Variants in RPTOR observed in about 807,000 individuals in gnomAD.
The protein encoded by RPTOR is regulatory-associated protein of mTOR.
A neutral mutation model predicts 169.9 loss-of-function variants in RPTOR; 21 were observed. The observed-to-expected ratio is 0.12, with a 90% confidence interval of 0.09 to 0.18. The LOEUF is 0.18. Ranked by LOEUF, RPTOR falls within the 10% of genes least tolerant of loss-of-function variation. The probability of loss-of-function intolerance (pLI) is 1.00; values close to 1 mark genes in which losing one functional copy is unlikely to be tolerated. For synonymous variants in RPTOR, 732 were observed against 753.2 expected, an observed-to-expected ratio of 0.97 and a Z score of 0.46; for missense variants, 1,133 against 1,855.9, an observed-to-expected ratio of 0.61 and a Z score of 7.16.
At chr17:80,747,866 T>A (rs1195368537) in intron 5 of RPTOR, among the ~76,000 whole-genome samples, 1 of 152,246 alleles carries the variant, frequency 6.6e-6, no homozygotes, top group Non-Finnish European at 1.5e-5. Flanking sequence ...TGGGTTGGTA[T>A]GAAAAGTGTT....
At chr17:80,658,409 G>C (rs1455416412) in intron 3 of RPTOR, among the ~76,000 whole-genome samples, 1 of 152,066 alleles carries the variant, frequency 6.6e-6, no homozygotes, top group African/African-American at 2.4e-5. Flanking sequence ...TAAGTTTAAA[G>C]GTGTTTTTCC....
At chr17:80,555,805 C>G (rs1214739021) in intron 1 of RPTOR, among the ~76,000 whole-genome samples, 1 of 152,120 alleles carries the variant, frequency 6.6e-6, no homozygotes, top group African/African-American at 2.4e-5. Flanking sequence ...TCCCAGGATT[C>G]CAGCTGGGGA....
Position 80,708,116 on chromosome 17 carries a change from T to G in RPTOR, c.507+117T>G. The G allele has an allele frequency of 9.7e-7, 1 of 1,036,084 alleles. No homozygotes were observed. The highest frequency in any genetic ancestry group is 2.7e-5 in the Admixed American group (1 of 37,660). 64.2% of individuals were successfully genotyped at this position (1,036,084 alleles called of 1,614,324 possible). ...TTAAGCCATTGATGTTTACTGTGTT[T>G]CAACAAACCCAAATGCCATAACTGA... On this transcript the variant is annotated intron_variant, in intron 4 of 33. Transcript: ENST00000306801. This position sits in a 1 kb window ranked among gnomAD's most constrained non-coding sequence, Gnocchi z 4.2.
intron 9 of RPTOR, among the ~76,000 whole-genome samples, chr17:80,827,634 G>A (rs1032414006): frequency 6.6e-6 from 1 of 152,188 alleles, no homozygotes; most frequent in African/African-American, 2.4e-5. Context: ...CTGGGGCCAC[G>A]TTCAAGCCTG....
At chr17:80,648,215 G>A (rs936175025) in intron 3 of RPTOR, among the ~76,000 whole-genome samples, 4 of 152,094 alleles carry the variant, frequency 2.6e-5, no homozygotes, top group Admixed American at 1.3e-4. Context: ...TGAATGAACC[G>A]AAGCTGATGA....
intron 7 of RPTOR, among the ~76,000 whole-genome samples, chr17:80,812,326 T>G (rs1400015819): frequency 1.3e-5 from 2 of 152,218 alleles, no homozygotes; most frequent in African/African-American, 4.8e-5. Context: ...TATACAGTTT[T>G]CCAGTAATTA....
At position 80,891,904 on chromosome 17, in the gene RPTOR, C is replaced by T. The variant is rs1243758670; in HGVS notation, c.2101+67C>T. ...GGCGGTTCTAGTGCAGGCCGCGGCCCAGTCTTGCTCACCCTCGCAGAGTCT... is the reference window on the plus strand; with the variant it reads ...GGCGGTTCTAGTGCAGGCCGCGGCCTAGTCTTGCTCACCCTCGCAGAGTCT... On this transcript the variant is annotated intron_variant, in intron 18 of 33. Transcript: ENST00000306801. 10 of 1,084,140 alleles carry T rather than the reference C, an allele frequency of 9.2e-6. No individual in the cohort carries two copies. In the East Asian group the frequency reaches 1.7e-4, roughly 18 times the overall value. The allele number at this position is 1,084,140 out of a possible 1,614,324, so 67.2% of individuals were successfully genotyped here.
chr17:80,964,173 C>G, intron 33 of RPTOR, 89 bp from the exon 34 acceptor site: 1 of 1,115,684 alleles, frequency 9.0e-7, no homozygotes. Flanking sequence ...CAGGAGCTGC[C>G]TAAGGATGCG....
At chr17:80,555,877 T>G (rs193041930) in intron 1 of RPTOR, among the ~76,000 whole-genome samples, 91 of 151,990 alleles carry the variant, frequency 6.0e-4, no homozygotes, top group African/African-American at 2.1e-3. Context: ...GTGGGGTGAT[T>G]GGAGAGGGGC....
At chr17:80,751,406 C>T (rs927399139) in intron 5 of RPTOR, among the ~76,000 whole-genome samples, 4 of 152,168 alleles carry the variant, frequency 2.6e-5, no homozygotes, top group Non-Finnish European at 4.4e-5. Context: ...CTCGTCGTCA[C>T]AGCTCTTTTA....
chr17:80,893,132 C>T (rs1481221398), intron 19 of RPTOR, among the ~76,000 whole-genome samples: 1 of 152,246 alleles, frequency 6.6e-6, no homozygotes. Flanking sequence ...GCGGTGGCTC[C>T]TTGGAGGGCT....
rs151259424 is a variant in RPTOR, at chr17:80,705,954, G to A, written c.349-1887G>A. On this transcript the variant is annotated intron_variant, in intron 3 of 33. Coordinates refer to ENST00000306801, the MANE Select transcript of RPTOR (RefSeq NM_020761.3). ...TCTGTGTGCCCAGCCTGGGCACAGC[G>A]GGAGCCCAGGCCTTCCTTCAAACGC... Among the ~76,000 whole-genome samples, 220 of 152,216 alleles carry A rather than the reference G, an allele frequency of 1.4e-3. 1 individual carries two copies. The highest frequency in any genetic ancestry group is 4.4e-3 in the African/African-American group (184 of 41,538).
chr17:80,844,666 C>G lies in RPTOR; in HGVS notation c.1213-1807C>G, dbSNP rs779587067. On this transcript the variant is annotated intron_variant, in intron 10 of 33. Coordinates refer to ENST00000306801, the MANE Select transcript of RPTOR (RefSeq NM_020761.3). The surrounding 1 kb of genome is among the most constrained non-coding windows in gnomAD (Gnocchi z 4.7). ...CGGATTCCTACGTGGTGAATGTTCTCGGCTGACTTTTTAAGTCGGGCCACG... is the reference window on the plus strand; with the variant it reads ...CGGATTCCTACGTGGTGAATGTTCTGGGCTGACTTTTTAAGTCGGGCCACG... Among the ~76,000 whole-genome samples the G allele has an allele frequency of 6.6e-6, 1 of 152,218 alleles. No individual in the cohort carries two copies. The highest frequency in any genetic ancestry group is 6.5e-5 in the Admixed American group (1 of 15,292).
In RPTOR at chr17:80,844,524, C is replaced by T. The variant is rs956266354; in HGVS notation, c.1213-1949C>T. Among the ~76,000 whole-genome samples the T allele has an allele frequency of 1.3e-5, 2 of 152,048 alleles. No homozygotes were observed. Among genetic ancestry groups the T allele is most frequent in the Non-Finnish European group, 2.9e-5 (2 of 68,016 alleles). On this transcript the variant is annotated intron_variant, in intron 10 of 33. Transcript: ENST00000306801. This position sits in a 1 kb window ranked among gnomAD's most constrained non-coding sequence, Gnocchi z 4.7. ...GTACTTAACGAGATTTTTTTTTAAC[C>T]AATTTATGAATAATTCACACTTGAA... is the stretch of plus-strand genomic sequence containing the variant.
intron 4 of RPTOR, among the ~76,000 whole-genome samples, chr17:80,711,694 T>G (rs972540173): frequency 2.6e-5 from 4 of 151,680 alleles, no homozygotes; most frequent in African/African-American, 9.7e-5. Context: ...TTTTTAAAAT[T>G]TAAAAATTTT....
chr17:80,621,280 C>T (rs1414697823), intron 1 of RPTOR, among the ~76,000 whole-genome samples: 1 of 152,206 alleles, frequency 6.6e-6, no homozygotes, highest in Non-Finnish European at 1.5e-5. Flanking sequence ...GTGTAAGGGA[C>T]TCAGAGATCT....
chr17:80,960,138 C>A lies in RPTOR; in HGVS notation c.3538C>A (p.Leu1180Ile). 1 of 1,613,738 alleles carries A rather than the reference C, an allele frequency of 6.2e-7. No individual in the cohort carries two copies. Among genetic ancestry groups the A allele is most frequent in the Non-Finnish European group, 8.5e-7 (1 of 1,180,018 alleles). Residue 1180 changes from leucine to isoleucine, a missense_variant, in exon 30 of 34, where the codon CTC becomes ATC. Around this residue, in one of 9 missense-constraint regions of RPTOR, gnomAD observed 410 missense variants for 623.7 expected, o/e 0.66. Coordinates refer to ENST00000306801, the MANE Select transcript of RPTOR (RefSeq NM_020761.3). The surrounding 1 kb of genome is among the most constrained non-coding windows in gnomAD (Gnocchi z 4.8). The part of the protein sequence containing the change: ...TSLSCDSHRS[L>I]IVAGLGDGSI... ...TCTGTCCTGTGATTCCCACCGCTCA[C>A]TCATCGTGGCTGGCCTCGGTGACGG...
At chr17:80,799,103 C>A (rs919202979) in intron 7 of RPTOR, among the ~76,000 whole-genome samples, 2 of 152,366 alleles carry the variant, frequency 1.3e-5, no homozygotes, top group South Asian at 4.1e-4. Context: ...GCCAGAGAAC[C>A]TGCTTGGGCG....
rs542134581 is a variant in RPTOR, at chr17:80,622,457, G to A, written c.163-3234G>A. On this transcript the variant is annotated intron_variant, in intron 1 of 33. Coordinates refer to ENST00000306801, the MANE Select transcript of RPTOR (RefSeq NM_020761.3). The stretch of plus-strand genomic sequence containing the variant: ...TGACTAATTAAATACAGTGACTTTT[G>A]TTGTTCTGATTTTTAGTGCTTTCTC... Among the ~76,000 whole-genome samples the A allele has an allele frequency of 3.1e-3, 475 of 152,328 alleles. 1 individual carries two copies. The highest frequency in any genetic ancestry group is 5.2e-3 in the Non-Finnish European group (351 of 68,022).
Sources: allele counts gnomAD v4.1 joint callset (sites outside exome capture counted in the v4.1 genomes callset), GRCh38; gene constraint gnomAD v4.1.1; regional missense constraint gnomAD v4.1.1; non-coding constraint Gnocchi (gnomAD v3.1); transcripts MANE v1.5; gene names NCBI Gene and HGNC (gene_info 2026-07-23, HGNC 2026-07-21).